The following VDR variants were observed in gnomAD, a reference collection of about 807,000 sequenced individuals.
VDR encodes the protein vitamin D3 receptor.
VDR carries 19 observed loss-of-function variants against 39.7 expected under a neutral mutation model. The observed-to-expected ratio is 0.48, with a 90% CI of 0.33 to 0.70. The LOEUF is 0.70. Ranked by LOEUF, VDR falls within the 30% of genes least tolerant of loss-of-function variation. The pLI, the probability that VDR is intolerant of heterozygous loss-of-function variation, is 0.02. For missense variants in VDR, 442 were observed against 570.5 expected (o/e 0.77, Z 2.29); for synonymous variants, 242 against 215.8 (o/e 1.12, Z -1.07).
At chr12:47,882,355 T>C (rs1267499445) in intron 2 of VDR, among the ~76,000 whole-genome samples, 2 of 151,938 alleles carry the variant, frequency 1.3e-5, no homozygotes, top group Non-Finnish European at 2.9e-5. Context: ...GCTTGAGAGC[T>C]GAAAGTCCCA....
chr12:47,893,652 C>T (rs946531971), intron 1 of VDR, among the ~76,000 whole-genome samples: 1 of 152,232 alleles, frequency 6.6e-6, no homozygotes, highest in South Asian at 2.1e-4. Context: ...TGCCCACAGC[C>T]GCAGGATCCC....
rs190075415 is a variant in VDR, at chr12:47,890,377, T to A, written c.-83-7603A>T. On this transcript the variant is annotated intron_variant, in intron 1 of 9. Transcript: ENST00000549336. Reference sequence around the variant, plus strand: ...ATATATTATGTATGTAATATATATTTTATATATATATATATATATAAATCT... The same window carrying A: ...ATATATTATGTATGTAATATATATTATATATATATATATATATATAAATCT... 5.2e-4 allele frequency among the ~76,000 whole-genome samples: 74 copies of A among 141,902 alleles called. No homozygotes were observed. The East Asian group carries it at 8.9e-3, about 17-fold the overall frequency. The allele number at this position is 141,902 out of a possible 152,430, so 93.1% of individuals were successfully genotyped here. A position where few individuals can be genotyped will look rare whatever the true frequency, so the allele number is the denominator to read the frequency against.
At chr12:47,856,916 C>T (rs1476978376) in intron 6 of VDR, among the ~76,000 whole-genome samples, 2 of 152,230 alleles carry the variant, frequency 1.3e-5, no homozygotes, top group Non-Finnish European at 2.9e-5. Flanking sequence ...AGCTGGAATC[C>T]CAGCTTGGCC....
intron 1 of VDR, among the ~76,000 whole-genome samples, chr12:47,890,914 T>C (rs1245300552): frequency 6.6e-6 from 1 of 151,416 alleles, no homozygotes; most frequent in East Asian, 1.9e-4. Flanking sequence ...GCAGGGAGGG[T>C]GCTCCTGGGG....
At chr12:47,882,623 G>GCCCCGGGCCCCCCC in intron 2 of VDR, 71 bp downstream of exon 2, 1 of 543,280 alleles carries the variant, frequency 1.8e-6, no homozygotes, top group Middle Eastern at 4.9e-4. Context: ...ACCTTCTTAT[G>GCCCCGGGCCCCCCC]CCCCTCCCCC....
At chr12:47,847,747 T>C (rs1945306673) in intron 7 of VDR, among the ~76,000 whole-genome samples, 1 of 152,124 alleles carries the variant, frequency 6.6e-6, no homozygotes, top group Admixed American at 6.5e-5. Flanking sequence ...TAATTTCTTT[T>C]ATTAGTATTT....
intron 7 of VDR, among the ~76,000 whole-genome samples, chr12:47,849,017 C>T (rs1263439446): frequency 6.6e-6 from 1 of 152,166 alleles, no homozygotes; most frequent in South Asian, 2.1e-4. Flanking sequence ...ACTAGTTCCA[C>T]TATTCTGAGT....
In VDR at chr12:47,857,170, T is replaced by C. The variant is rs751673811; in HGVS notation, c.542A>G (p.Asp181Gly). The change falls in exon 6 of 10, where the codon GAC becomes GGC. Residue 181 changes from aspartate (D) to glycine (G), a missense_variant. By Grantham distance (94) the Asp-to-Gly change is moderately conservative (BLOSUM62 -1). Transcript: ENST00000549336. ...NSRHTPSFSG[D>G]SSSSCSDHCI... ...GTGATCTGAGCAGGAGGAGGAGGAG[T>C]CCCCAGAGAAGCTGGGAGTGTGTCT... is the stretch of plus-strand genomic sequence containing the variant. 3.4e-5 allele frequency: 55 copies of C among 1,613,258 alleles called. 1 individual carries two copies. The Middle Eastern group carries it at 4.9e-3, about 145-fold the overall frequency.
chr12:47,884,005 C>T (rs980159181), intron 1 of VDR, among the ~76,000 whole-genome samples: 1 of 152,246 alleles, frequency 6.6e-6, no homozygotes, highest in Non-Finnish European at 1.5e-5. Context: ...CATGCTGCCA[C>T]GTACCCCCAA....
intron 2 of VDR, among the ~76,000 whole-genome samples, chr12:47,880,252 G>C (rs901590685): frequency 7.2e-5 from 11 of 152,228 alleles, no homozygotes; most frequent in African/African-American, 2.6e-4. Context: ...CTCCACCCCA[G>C]GGTACCATTT....
At chr12:47,866,529 C>T (rs570188458) in intron 3 of VDR, among the ~76,000 whole-genome samples, 1 of 152,264 alleles carries the variant, frequency 6.6e-6, no homozygotes, top group African/African-American at 2.4e-5. Flanking sequence ...TGGAATAGCT[C>T]CTGTTCCAGG....
In VDR at chr12:47,881,119, T is replaced by TATACAC. The variant is rs150135188; in HGVS notation, c.-3+1574_-3+1575insGTGTAT. Among the ~76,000 whole-genome samples, 191 of 149,074 alleles carry TATACAC rather than the reference T, an allele frequency of 1.3e-3. 5 individuals carry two copies. Among genetic ancestry groups the TATACAC allele is most frequent in the Non-Finnish European group, 2.2e-4 (15 of 67,254 alleles). ...GTGTGTGTGTGTATATATATATATA[T>TATACAC]ACACACACATATACTGTCCTTTTTA... On this transcript the variant is annotated intron_variant, in intron 2 of 9. Coordinates refer to ENST00000549336, the MANE Select transcript of VDR (RefSeq NM_000376.3).
intron 2 of VDR, 94 bp from the exon 3 acceptor site, chr12:47,879,209 C>T: frequency 1.4e-6 from 2 of 1,424,684 alleles, no homozygotes; most frequent in South Asian, 2.7e-5. Flanking sequence ...CCTCATCCCA[C>T]CGCCCCCACC....
At chr12:47,900,543 G>A (rs1364704132) in intron 1 of VDR, among the ~76,000 whole-genome samples, 1 of 152,150 alleles carries the variant, frequency 6.6e-6, no homozygotes, top group Non-Finnish European at 1.5e-5. Context: ...CATTTGTAAA[G>A]GGAACATAAC....
At chr12:47,857,304 T>C (rs969808255) in intron 5 of VDR, 55 bp from the exon 6 acceptor site, 2 of 1,613,310 alleles carry the variant, frequency 1.2e-6, no homozygotes, top group African/African-American at 1.3e-5. Flanking sequence ...CTTCCTACCT[T>C]GGCCCTGATC....
At chr12:47,871,296 TTC>T (rs1297056152) in intron 3 of VDR, among the ~76,000 whole-genome samples, 2 of 96,334 alleles carry the variant, frequency 2.1e-5, no homozygotes, top group African/African-American at 4.3e-5. Context: ...CTCTTTCTCT[TTC>T]TTTCTTTCTT....
intron 4 of VDR, among the ~76,000 whole-genome samples, chr12:47,863,019 A>G (rs1565616984): frequency 6.6e-6 from 1 of 151,988 alleles, no homozygotes; most frequent in Non-Finnish European, 1.5e-5. Context: ...GGGACACAGG[A>G]CTCCACAGGA....
intron 1 of VDR, among the ~76,000 whole-genome samples, chr12:47,892,265 T>A (rs1030093840): frequency 2.0e-5 from 3 of 152,212 alleles, no homozygotes; most frequent in Admixed American, 1.3e-4. Context: ...ACCGTCTCCA[T>A]CTTCTAGGTT....
Position 47,841,997 on chromosome 12 carries a change from C to T in VDR, c.*2749G>A, listed in dbSNP as rs1454982223. ...GCCCCATAAAAACTCATTTTCCCCT[C>T]TTTTCTTTTCCTCCCAGCTCCTAGA... On this transcript the variant is annotated 3_prime_UTR_variant, in exon 10 of 10. Transcript: ENST00000549336. 2.0e-5 allele frequency: 3 copies of T among 152,406 alleles called. No individual in the cohort carries two copies. The highest frequency in any genetic ancestry group is 6.5e-5 in the Admixed American group (1 of 15,288). The allele number at this position is 152,406 out of a possible 1,614,324, so 9.4% of individuals were successfully genotyped here. A position where few individuals can be genotyped will look rare whatever the true frequency, so the allele number is the denominator to read the frequency against.
Sources: gnomAD v4.1 joint callset for allele counts (sites outside exome capture counted in the v4.1 genomes callset) on GRCh38, gnomAD v4.1.1 for gene constraint, MANE v1.5 for transcripts, NCBI Gene and HGNC (gene_info 2026-07-23, HGNC 2026-07-21) for gene names.